The following ACVRL1 variants were observed in gnomAD, a reference collection of about 807,000 sequenced individuals.
ACVRL1 encodes activin A receptor like type 1, also known as activin receptor type-1-like.
In ACVRL1, 20 loss-of-function variants were observed where a neutral mutation model predicts 51.9. The observed-to-expected ratio is 0.39, with a 90% CI of 0.27 to 0.56. The LOEUF is 0.56. Among genes scored for constraint, ACVRL1 ranks in the 20% least tolerant of loss-of-function variants. ACVRL1 has a pLI of 0.67. For synonymous variants in ACVRL1, 288 were observed against 280.9 expected, an observed-to-expected ratio of 1.03 and a Z score of -0.25; for missense variants, 451 against 670.3, an observed-to-expected ratio of 0.67 and a Z score of 3.61.
chr12:51,910,464 T>C (rs1298292325), intron 1 of ACVRL1, among the ~76,000 whole-genome samples: 1 of 152,162 alleles, frequency 6.6e-6, no homozygotes, highest in Non-Finnish European at 1.5e-5. Context: ...GTGAAACCAG[T>C]GAATATGCTT....
rs745390732 is a variant in ACVRL1, at chr12:51,920,890, A to G, written c.1509A>G (p.Gln503=). 26 of 1,410,760 alleles carry G rather than the reference A, an allele frequency of 1.8e-5. No homozygotes were observed. In the East Asian group the frequency reaches 8.7e-4, roughly 47 times the overall value. 87.4% of individuals were successfully genotyped at this position (1,410,760 alleles called of 1,614,324 possible). A position where few individuals can be genotyped will look rare whatever the true frequency, so the allele number is the denominator to read the frequency against. ...SNSPEKPKVI[Q] is the part of the protein sequence containing the mutation. ...GTCCAGAGAAGCCTAAAGTGATTCA[A>G]TAGCCCAGGAGCACCTGATTCCTTT... Residue 503 remains glutamine (Q), a synonymous_variant, in exon 10 of 10, where the codon CAA becomes CAG. Coordinates refer to ENST00000388922, the MANE Select transcript of ACVRL1 (RefSeq NM_000020.3).
At chr12:51,915,538 G>A (rs780221939) in intron 7 of ACVRL1, 38 bp downstream of exon 7, 2 of 1,584,132 alleles carry the variant, frequency 1.3e-6, no homozygotes, top group Admixed American at 1.7e-5. Flanking sequence ...CTTCACAGGT[G>A]GGCGGAGCTT....
chr12:51,919,212 C>T (rs1453982118), intron 9 of ACVRL1, 97 bp downstream of exon 9: 8 of 1,570,290 alleles, frequency 5.1e-6, no homozygotes, highest in South Asian at 1.1e-5. Flanking sequence ...TGCTTCATCT[C>T]ATAGATACTG....
At chr12:51,918,347 G>A (rs1940891576) in intron 8 of ACVRL1, among the ~76,000 whole-genome samples, 1 of 152,226 alleles carries the variant, frequency 6.6e-6, no homozygotes, top group African/African-American at 2.4e-5. Flanking sequence ...CTTACTATCT[G>A]TTGATCTTAG....
intron 9 of ACVRL1, 34 bp downstream of exon 9, chr12:51,919,149 G>A: frequency 1.9e-6 from 3 of 1,613,460 alleles, no homozygotes; most frequent in Non-Finnish European, 2.5e-6. Context: ...ATGGCGTGGG[G>A]TGGTGGCTCA....
At chr12:51,919,290 A>C in intron 9 of ACVRL1, 175 bp downstream of exon 9, 1 of 936,740 alleles carries the variant, frequency 1.1e-6, no homozygotes, top group South Asian at 1.5e-5. Flanking sequence ...CCCTGCCCCC[A>C]GGGCCATCTG....
Position 51,920,918 on chromosome 12 carries a change from G to A in ACVRL1, c.*25G>A, listed in dbSNP as rs749056299. The A allele has an allele frequency of 3.5e-6, 5 of 1,425,918 alleles. No individual in the cohort carries two copies. In the East Asian group the frequency reaches 1.1e-4, roughly 31 times the overall value. 88.3% of individuals were successfully genotyped at this position (1,425,918 alleles called of 1,614,324 possible). A position where few individuals can be genotyped will look rare whatever the true frequency, so the allele number is the denominator to read the frequency against. ...GCCCAGGAGCACCTGATTCCTTTCTGCCTGCAGGGGGCTGGGGGGGTGGGG... is the reference window on the plus strand; with the variant it reads ...GCCCAGGAGCACCTGATTCCTTTCTACCTGCAGGGGGCTGGGGGGGTGGGG... On this transcript the variant is annotated 3_prime_UTR_variant, in exon 10 of 10. Coordinates refer to ENST00000388922, the MANE Select transcript of ACVRL1 (RefSeq NM_000020.3).
chr12:51,912,103 A>G (rs1188912548), intron 1 of ACVRL1, among the ~76,000 whole-genome samples: 4 of 152,304 alleles, frequency 2.6e-5, no homozygotes, highest in African/African-American at 9.6e-5. Context: ...AAAGAGACAC[A>G]GAACAGAAGG....
chr12:51,916,219 G>A lies in ACVRL1; in HGVS notation c.1232G>A (p.Arg411Gln), dbSNP rs121909284. The A allele has an allele frequency of 1.2e-6, 2 of 1,614,040 alleles. No homozygotes were observed. Among genetic ancestry groups the A allele is most frequent in the Non-Finnish European group, 1.7e-6 (2 of 1,180,000 alleles). ...CTGGTGCTGTGGGAGATTGCCCGCC[G>A]GACCATCGTGAATGGTGAGGGCCCA... ...FGLVLWEIAR[R>Q]TIVNGIVEDY... is the part of the protein sequence containing the mutation. Residue 411 changes from arginine to glutamine, a missense_variant, in exon 8 of 10, where the codon CGG becomes CAG. Physicochemically the swap from Arg to Gln is conservative, Grantham distance 43. Around this residue, in one of 2 missense-constraint regions of ACVRL1, gnomAD observed 259 missense variants for 453.4 expected, o/e 0.57. Coordinates refer to ENST00000388922, the MANE Select transcript of ACVRL1 (RefSeq NM_000020.3).
chr12:51,912,218 T>A, intron 1 of ACVRL1: 1 of 611,802 alleles, frequency 1.6e-6, no homozygotes, highest in Non-Finnish European at 2.9e-6. Flanking sequence ...GAGCTAGGGT[T>A]TCCCCAAGCT....
intron 1 of ACVRL1, among the ~76,000 whole-genome samples, chr12:51,911,660 G>A (rs568037270): frequency 3.9e-5 from 6 of 152,306 alleles, no homozygotes; most frequent in South Asian, 4.1e-4. Context: ...TGGGATGTAC[G>A]CCTGCTGGTG....
In ACVRL1 at chr12:51,913,590, A is replaced by C; in HGVS notation, c.345A>C (p.Thr115=). The change falls in exon 4 of 10, where the codon ACA becomes ACC. Residue 115 remains threonine (T), a synonymous_variant. Coordinates refer to ENST00000388922, the MANE Select transcript of ACVRL1 (RefSeq NM_000020.3). ...ATQPPSEQPG[T]DGQLALILGP... is the part of the protein sequence containing the mutation. ...AACCTCCTTCGGAGCAGCCGGGAACAGATGGCCAGCTGGCCCTGATCCTGG... is the reference window on the plus strand; with the variant it reads ...AACCTCCTTCGGAGCAGCCGGGAACCGATGGCCAGCTGGCCCTGATCCTGG... 6.2e-7 allele frequency: 1 copy of C among 1,600,262 alleles called. No homozygotes were observed. Among genetic ancestry groups the C allele is most frequent in the Non-Finnish European group, 8.5e-7 (1 of 1,179,858 alleles).
chr12:51,914,448 G>A lies in ACVRL1; in HGVS notation c.635G>A (p.Arg212His), dbSNP rs1940780763. ...VALVECVGKG[R>H]YGEVWRGLWH... ...CCCCTCTGGCCATCAGGAAAAGGCC[G>A]CTATGGCGAAGTGTGGCGGGGCTTG... Residue 212 changes from arginine to histidine, a missense_variant, in exon 6 of 10, where the codon CGC becomes CAC. Physicochemically the swap from Arg to His is conservative, Grantham distance 29. Around this residue, in one of 2 missense-constraint regions of ACVRL1, gnomAD observed 259 missense variants for 453.4 expected, o/e 0.57. Coordinates refer to ENST00000388922, the MANE Select transcript of ACVRL1 (RefSeq NM_000020.3). 4 of 1,614,212 alleles carry A rather than the reference G, an allele frequency of 2.5e-6. No homozygotes were observed. Among genetic ancestry groups the A allele is most frequent in the Non-Finnish European group, 3.4e-6 (4 of 1,180,012 alleles).
intron 9 of ACVRL1, among the ~76,000 whole-genome samples, chr12:51,920,234 A>G (rs1237017747): frequency 2.0e-5 from 3 of 152,156 alleles, no homozygotes; most frequent in Non-Finnish European, 4.4e-5. Context: ...CCACTTCCAC[A>G]GTCCCCTGGG....
rs898007689 is a variant in ACVRL1, at chr12:51,921,617, G to A, written c.*724G>A. 22 of 153,880 alleles carry A rather than the reference G, an allele frequency of 1.4e-4. No individual in the cohort carries two copies. The highest frequency in any genetic ancestry group is 4.1e-4 in the South Asian group (2 of 4,902). The allele number at this position is 153,880 out of a possible 1,614,324, so 9.5% of individuals were successfully genotyped here. On this transcript the variant is annotated 3_prime_UTR_variant, in exon 10 of 10. Transcript: ENST00000388922. Reference sequence around the variant, plus strand: ...CTTTCAGATTAACTGAGAGGATATCGAGGCCAAGCATGGCAGGGGGAAGGT... The same window carrying A: ...CTTTCAGATTAACTGAGAGGATATCAAGGCCAAGCATGGCAGGGGGAAGGT...
At chr12:51,918,344 T>TC (rs1940891509) in intron 8 of ACVRL1, among the ~76,000 whole-genome samples, 1 of 152,230 alleles carries the variant, frequency 6.6e-6, no homozygotes, top group Non-Finnish European at 1.5e-5. Context: ...TCACTTACTA[T>TC]CTGTTGATCT....
In ACVRL1 at chr12:51,917,208, G is replaced by GC. The variant is rs1019212001; in HGVS notation, c.1246+979dup. 7.9e-5 allele frequency among the ~76,000 whole-genome samples: 12 copies of GC among 152,194 alleles called. No individual in the cohort carries two copies. The highest frequency in any genetic ancestry group is 2.4e-4 in the African/African-American group (10 of 41,444). On this transcript the variant is annotated intron_variant, in intron 8 of 9. Coordinates refer to ENST00000388922, the MANE Select transcript of ACVRL1 (RefSeq NM_000020.3). The surrounding 1 kb of genome is among the most constrained non-coding windows in gnomAD (Gnocchi z 4.2). ...ATCAGGGTCCGAAACCGGGCAGTCT[G>GC]CCCCGGGGCCAGTGCTCATCATCAC...
intron 9 of ACVRL1, 80 bp from the exon 10 acceptor site, chr12:51,920,679 C>A: frequency 6.6e-7 from 1 of 1,523,170 alleles, no homozygotes; most frequent in South Asian, 1.2e-5. Context: ...CCTCCCTCTG[C>A]ATCTCTCTCC....
At chr12:51,920,456 C>G (rs145506508) in intron 9 of ACVRL1, among the ~76,000 whole-genome samples, 2 of 152,142 alleles carry the variant, frequency 1.3e-5, no homozygotes, top group Non-Finnish European at 2.9e-5. Flanking sequence ...CTCTTTCTGT[C>G]CGCCCTGTCT....
Sources: allele counts gnomAD v4.1 joint callset (sites outside exome capture counted in the v4.1 genomes callset), GRCh38; gene constraint gnomAD v4.1.1; regional missense constraint gnomAD v4.1.1; non-coding constraint Gnocchi (gnomAD v3.1); transcripts MANE v1.5; gene names NCBI Gene and HGNC (gene_info 2026-07-23, HGNC 2026-07-21).